FANCA: variants seen among roughly 807,000 people sequenced by gnomAD.
FANCA encodes the protein Fanconi anemia group A protein.
FANCA carries 236 observed loss-of-function variants against 194.3 expected under a neutral mutation model. The ratio of observed to expected loss-of-function variants is 1.21; its 90% CI spans 1.09 to 1.35. The LOEUF (loss-of-function observed/expected upper bound fraction) is 1.35. Ranked by LOEUF, FANCA falls within the 40% of genes most tolerant of loss-of-function variation. The pLI, the probability that FANCA is intolerant of heterozygous loss-of-function variation, is 0.00. For synonymous variants in FANCA, 1,014 were observed against 715.8 expected (o/e 1.42, Z -6.65); for missense variants, 2,628 against 1,813.9 (o/e 1.45, Z -8.15).
At chr16:89,769,741 A>T in intron 26 of FANCA, 96 bp downstream of exon 26, 1 of 1,385,194 alleles carries the variant, frequency 7.2e-7, no homozygotes, top group Non-Finnish European at 1.0e-6. Flanking sequence ...TTTGGGTGGT[A>T]TGTCTGCATG....
rs147850350 is a variant in FANCA at position 89,810,078 on chromosome 16, T to A, written c.522+629A>T. On this transcript the variant is annotated intron_variant, in intron 5 of 42. Coordinates refer to ENST00000389301, the MANE Select transcript of FANCA (RefSeq NM_000135.4). ...TGGCTCACACTTGTAATCCCAGCAC[T>A]TTGGGAGGCCGAGGTGGGCAGATCA... Among the ~76,000 whole-genome samples, 978 of 151,602 alleles carry A rather than the reference T, an allele frequency of 6.5e-3. 7 individuals carry two copies. The highest frequency in any genetic ancestry group is 0.016 in the South Asian group (79 of 4,804).
At chr16:89,746,931 A>C in intron 33 of FANCA, 41 bp from the exon 34 acceptor site, 1 of 1,524,058 alleles carries the variant, frequency 6.6e-7, no homozygotes, top group South Asian at 1.2e-5. Context: ...GCCCACAGGA[A>C]GAGAGGCGAG....
rs2151709730 is a variant in FANCA, at chr16:89,738,641, G to A, written c.4328C>T (p.Ala1443Val). The change falls in exon 43 of 43, where the codon GCC (alanine) becomes GTC (valine). Residue 1443 changes from alanine to valine, a missense_variant. Ala to Val is a moderately conservative substitution (Grantham distance 64). Coordinates refer to ENST00000389301, the MANE Select transcript of FANCA (RefSeq NM_000135.4). ...SAALQSRQQA[A>V]PDADLSQEPH... The stretch of plus-strand genomic sequence containing the variant: ...CTCCTGGGACAGGTCAGCGTCAGGG[G>A]CAGCCTGCTGTCTGCTCTGGAGGGC... The A allele has an allele frequency of 1.2e-6, 2 of 1,613,710 alleles. No individual in the cohort carries two copies. Among genetic ancestry groups the A allele is most frequent in the Non-Finnish European group, 1.7e-6 (2 of 1,180,044 alleles).
At chr16:89,788,005 C>G (rs1415599065) in intron 14 of FANCA, among the ~76,000 whole-genome samples, 1 of 151,806 alleles carries the variant, frequency 6.6e-6, no homozygotes, top group African/African-American at 2.4e-5. Context: ...TTCTGAGTAG[C>G]TGGGATTACA....
chr16:89,812,876 T>G (rs1355146309), intron 3 of FANCA, among the ~76,000 whole-genome samples: 1 of 148,146 alleles, frequency 6.8e-6, no homozygotes, highest in Non-Finnish European at 1.5e-5. Context: ...CTACTAAAAA[T>G]ACAAAAATTA....
In FANCA at chr16:89,742,902, G is replaced by T. The variant is rs781216012; in HGVS notation, c.3663C>A (p.Asn1221Lys). ...LSPEAASPAP[N>K]PDWLSAAALH... ...GTGCAGCAGCTGAGAGCCAGTCCGG[G>T]TTGGGTGCTGGGGAGGCAGCCTCAG... The change falls in exon 37 of 43, where the codon AAC (asparagine) becomes AAA (lysine). Residue 1221 changes from asparagine (N) to lysine (K), a missense_variant. Coordinates refer to ENST00000389301, the MANE Select transcript of FANCA (RefSeq NM_000135.4). The T allele has an allele frequency of 1.2e-6, 2 of 1,614,158 alleles. No homozygotes were observed. Among genetic ancestry groups the T allele is most frequent in the Admixed American group, 3.3e-5 (2 of 60,012 alleles).
chr16:89,786,290 T>G (rs1418699557), intron 14 of FANCA, among the ~76,000 whole-genome samples: 1 of 152,098 alleles, frequency 6.6e-6, no homozygotes, highest in East Asian at 1.9e-4. Flanking sequence ...TTCAAACGAT[T>G]CTCCTGCCTC....
chr16:89,756,937 C>A (rs1258815588), intron 30 of FANCA, among the ~76,000 whole-genome samples: 1 of 152,176 alleles, frequency 6.6e-6, no homozygotes, highest in African/African-American at 2.4e-5. Context: ...CAGGGAAAGG[C>A]AAGAATGCTC....
intron 22 of FANCA, 85 bp downstream of exon 22, chr16:89,773,186 C>G: frequency 9.6e-7 from 1 of 1,044,838 alleles, no homozygotes; most frequent in South Asian, 1.4e-5. Flanking sequence ...AGCCTGATGT[C>G]ACTATGGGGA....
At chr16:89,750,248 A>G (rs2038538040) in intron 31 of FANCA, among the ~76,000 whole-genome samples, 1 of 151,794 alleles carries the variant, frequency 6.6e-6, no homozygotes, top group Non-Finnish European at 1.5e-5. Context: ...TTGGGAGGCC[A>G]AGGCAGGAGG....
At chr16:89,747,899 T>C (rs1256933436) in intron 33 of FANCA, among the ~76,000 whole-genome samples, 1 of 152,030 alleles carries the variant, frequency 6.6e-6, no homozygotes, top group African/African-American at 2.4e-5. Flanking sequence ...ACGCTGCCCG[T>C]CCCCACAGCG....
At position 89,738,582 on chromosome 16, in the gene FANCA, T is replaced by C; in HGVS notation, c.*19A>G. 6.2e-7 allele frequency: 1 copy of C among 1,613,150 alleles called. No homozygotes were observed. Among genetic ancestry groups the C allele is most frequent in the African/African-American group, 1.3e-5 (1 of 75,046 alleles). ...ATTATTTACACGGGAGCTGGGCTGG[T>C]GTGCAGTGGCAGGTCCCGTCAGAAG... is the stretch of plus-strand genomic sequence containing the variant. On this transcript the variant is annotated 3_prime_UTR_variant, in exon 43 of 43. Transcript: ENST00000389301.
chr16:89,740,415 G>A (rs753221476), intron 38 of FANCA: 19 of 466,802 alleles, frequency 4.1e-5, no homozygotes, highest in Admixed American at 1.4e-4. Flanking sequence ...CGAGGTCGGC[G>A]GATCACTGAG....
At chr16:89,802,135 C>T (rs2040477499) in intron 8 of FANCA, among the ~76,000 whole-genome samples, 1 of 152,170 alleles carries the variant, frequency 6.6e-6, no homozygotes, top group Non-Finnish European at 1.5e-5. Context: ...AACGGAGTCT[C>T]GCTCTGTCAC....
chr16:89,792,900 G>A lies in FANCA; in HGVS notation c.1007-353C>T, dbSNP rs2040124113. 2.6e-5 allele frequency among the ~76,000 whole-genome samples: 4 copies of A among 152,274 alleles called. No homozygotes were observed. In the South Asian group the frequency reaches 8.3e-4, roughly 32 times the overall value. Reference sequence around the variant, plus strand: ...CCTGCCTGGAAGCCGAGGCAGAGAGGGAGAGGAGATAGAGACAAAGACAGC... The same window carrying A: ...CCTGCCTGGAAGCCGAGGCAGAGAGAGAGAGGAGATAGAGACAAAGACAGC... On this transcript the variant is annotated intron_variant, in intron 11 of 42. Coordinates refer to ENST00000389301, the MANE Select transcript of FANCA (RefSeq NM_000135.4).
chr16:89,752,047 G>T lies in FANCA; in HGVS notation c.3066+91C>A. On this transcript the variant is annotated intron_variant, in intron 31 of 42. Transcript: ENST00000389301. Reference sequence around the variant, plus strand: ...GGCCTCCCAAAGTTCTGGGATTACAGGCGTGAGCCACCGCGCCTGGCAATA... The same window carrying T: ...GGCCTCCCAAAGTTCTGGGATTACATGCGTGAGCCACCGCGCCTGGCAATA... 2 of 1,146,418 alleles carry T rather than the reference G, an allele frequency of 1.7e-6. No homozygotes were observed. Among genetic ancestry groups the T allele is most frequent in the Admixed American group, 3.4e-5 (2 of 59,434 alleles). The allele number at this position is 1,146,418 out of a possible 1,614,324, so 71.0% of individuals were successfully genotyped here.
intron 1 of FANCA, 83 bp downstream of exon 1, chr16:89,816,454 T>C: frequency 8.0e-7 from 1 of 1,243,254 alleles, no homozygotes. Flanking sequence ...CGGCGGAGGC[T>C]CTGGCGGGAA....
chr16:89,812,217 T>TAGTC (rs1270239978), intron 3 of FANCA, among the ~76,000 whole-genome samples: 1 of 151,670 alleles, frequency 6.6e-6, no homozygotes, highest in Non-Finnish European at 1.5e-5. Flanking sequence ...CGGGAGCCTG[T>TAGTC]AGTCCCAGCT....
chr16:89,763,380 TG>T, intron 28 of FANCA, among the ~76,000 whole-genome samples: 1 of 152,098 alleles, frequency 6.6e-6, no homozygotes, highest in East Asian at 2.0e-4. Flanking sequence ...TTAGTAGAGA[TG>T]GGGCTTCATC....
Sources: allele counts gnomAD v4.1 joint callset (sites outside exome capture counted in the v4.1 genomes callset), GRCh38; gene constraint gnomAD v4.1.1; transcripts MANE v1.5; gene names NCBI Gene and HGNC (gene_info 2026-07-23, HGNC 2026-07-21).